Variants in MAPK4 observed in about 807,000 individuals in gnomAD.
The protein encoded by MAPK4 is Erk3-related.
MAPK4 carries 22 observed loss-of-function variants against 47.7 expected under a neutral mutation model. That is an observed-to-expected ratio of 0.46 (90% CI 0.33 to 0.66). The LOEUF is 0.66. MAPK4 is among the 30% of genes least tolerant of loss of function. The probability of loss-of-function intolerance (pLI) is 0.02; values close to 1 mark genes in which losing one functional copy is unlikely to be tolerated. For synonymous variants in MAPK4, 390 were observed against 365.7 expected (o/e 1.07, Z -0.76); for missense variants, 736 against 831.7 (o/e 0.88, Z 1.42).
intron 1 of MAPK4, among the ~76,000 whole-genome samples, chr18:50,571,114 G>A (rs2149358421): frequency 6.6e-6 from 1 of 152,216 alleles, no homozygotes; most frequent in South Asian, 2.1e-4. Context: ...TCTAGAAAGG[G>A]CCCTGTCTTA....
At chr18:50,626,825 T>C (rs564586718) in intron 1 of MAPK4, among the ~76,000 whole-genome samples, 1 of 152,326 alleles carries the variant, frequency 6.6e-6, no homozygotes, top group East Asian at 1.9e-4. Context: ...CCCAACCCTG[T>C]GCCCTAGTGA....
chr18:50,591,088 A>T (rs1598803571), intron 1 of MAPK4, among the ~76,000 whole-genome samples: 1 of 152,210 alleles, frequency 6.6e-6, no homozygotes, highest in African/African-American at 2.4e-5. Flanking sequence ...AATTGGCCTG[A>T]CTTCTGCAGG....
chr18:50,626,864 A>G (rs745965924), intron 1 of MAPK4, among the ~76,000 whole-genome samples: 2 of 152,104 alleles, frequency 1.3e-5, no homozygotes, highest in African/African-American at 4.8e-5. Context: ...GGTGTCATTT[A>G]TTATGCAGGT....
chr18:50,729,317 A>G lies in MAPK4; in HGVS notation c.1227A>G (p.Leu409=). 1.2e-6 allele frequency: 2 copies of G among 1,602,126 alleles called. No homozygotes were observed. Among genetic ancestry groups the G allele is most frequent in the Non-Finnish European group, 1.7e-6 (2 of 1,174,046 alleles). Residue 409 remains leucine, a synonymous_variant, in exon 6 of 6, where the codon CTA becomes CTG. Transcript: ENST00000400384. ...CGCACAGCAGCTCCGAGCGCTTCCT[A>G]GAGCAGTCGCACTCGTCCATGGAGC... The part of the protein sequence containing the change: ...KDSHSSSERF[L]EQSHSSMERA...
intron 1 of MAPK4, among the ~76,000 whole-genome samples, chr18:50,632,486 C>G (rs929939843): frequency 6.6e-6 from 1 of 152,132 alleles, no homozygotes; most frequent in Non-Finnish European, 1.5e-5. Context: ...TGTAGTATTT[C>G]CCTCAACCTT....
rs1910956332 is a variant in MAPK4, at chr18:50,721,961, C to A, written c.715C>A (p.Gln239Lys). ...FAGAHELEQM[Q>K]LILETIPVIR... ...AGGGGCCCATGAGCTGGAGCAGATGCAACTCATCCTGGAGACCATCCCTGT... is the reference window on the plus strand; with the variant it reads ...AGGGGCCCATGAGCTGGAGCAGATGAAACTCATCCTGGAGACCATCCCTGT... Residue 239 changes from glutamine to lysine, a missense_variant, in exon 4 of 6, where the codon CAA (glutamine) becomes AAA (lysine). By Grantham distance (53) the Gln-to-Lys change is moderately conservative. This residue lies in a region of MAPK4 where 327 missense variants were observed against 395.4 expected (regional missense o/e 0.83). Coordinates refer to ENST00000400384, the MANE Select transcript of MAPK4 (RefSeq NM_002747.4). The A allele has an allele frequency of 6.2e-7, 1 of 1,613,992 alleles. No homozygotes were observed. The highest frequency in any genetic ancestry group is 8.5e-7 in the Non-Finnish European group (1 of 1,180,032).
chr18:50,630,434 C>A (rs1176617403), intron 1 of MAPK4, among the ~76,000 whole-genome samples: 1 of 152,166 alleles, frequency 6.6e-6, no homozygotes, highest in Non-Finnish European at 1.5e-5. Context: ...AGTGATCCAC[C>A]CACCTTTGCC....
chr18:50,570,161 T>C (rs149760772), intron 1 of MAPK4, among the ~76,000 whole-genome samples: 65 of 152,334 alleles, frequency 4.3e-4, no homozygotes, highest in African/African-American at 1.5e-3. Context: ...CCAGCTGCTC[T>C]TTGCCTGACT....
At chr18:50,689,625 G>A (rs189800072) in intron 2 of MAPK4, among the ~76,000 whole-genome samples, 3 of 152,088 alleles carry the variant, frequency 2.0e-5, no homozygotes, top group Non-Finnish European at 1.5e-5. Flanking sequence ...CCAGCCAGGC[G>A]TGGTAGCTCA....
chr18:50,579,745 G>A (rs2042327682), intron 1 of MAPK4, among the ~76,000 whole-genome samples: 1 of 152,190 alleles, frequency 6.6e-6, no homozygotes, highest in African/African-American at 2.4e-5. Flanking sequence ...GCATTATGGA[G>A]TCAGTAGGGC....
intron 2 of MAPK4, among the ~76,000 whole-genome samples, chr18:50,695,111 C>T (rs1051700611): frequency 9.2e-5 from 14 of 151,878 alleles, no homozygotes; most frequent in African/African-American, 2.9e-4. Flanking sequence ...TTTGGGAGGC[C>T]GAAGTGGGCA....
chr18:50,712,405 C>T (rs533186415), intron 2 of MAPK4, among the ~76,000 whole-genome samples: 3 of 151,964 alleles, frequency 2.0e-5, no homozygotes, highest in East Asian at 1.9e-4. Context: ...TCAGCCTGGG[C>T]GACAGAATGC....
At chr18:50,616,542 G>A (rs2042686292) in intron 1 of MAPK4, among the ~76,000 whole-genome samples, 1 of 152,220 alleles carries the variant, frequency 6.6e-6, no homozygotes, top group South Asian at 2.1e-4. Flanking sequence ...ATCACAAGGT[G>A]AAGTCCCAGA....
intron 1 of MAPK4, among the ~76,000 whole-genome samples, chr18:50,581,745 A>G (rs934325083): frequency 6.6e-6 from 1 of 152,176 alleles, no homozygotes; most frequent in African/African-American, 2.4e-5. Flanking sequence ...TGTGGGTAGA[A>G]TGTGGTGAAG....
chr18:50,563,773 T>C (rs554556996), intron 1 of MAPK4, among the ~76,000 whole-genome samples: 5 of 152,330 alleles, frequency 3.3e-5, no homozygotes, highest in African/African-American at 1.2e-4. Context: ...CAGGGCCTGC[T>C]ATGCTCTCTT....
chr18:50,665,835 C>A (rs1024137988), intron 2 of MAPK4, among the ~76,000 whole-genome samples: 6 of 152,166 alleles, frequency 3.9e-5, no homozygotes, highest in African/African-American at 9.6e-5. Context: ...TCAAAACTGA[C>A]AGCCAACTCT....
intron 1 of MAPK4, among the ~76,000 whole-genome samples, chr18:50,623,554 C>A (rs958606348): frequency 6.6e-6 from 1 of 152,334 alleles, no homozygotes; most frequent in Admixed American, 6.5e-5. Flanking sequence ...GAACCCCCAA[C>A]CCCATCCTTG....
intron 5 of MAPK4, among the ~76,000 whole-genome samples, chr18:50,728,405 G>A (rs575106972): frequency 6.6e-6 from 1 of 152,248 alleles, no homozygotes; most frequent in East Asian, 1.9e-4. Context: ...CTTTCTGTAG[G>A]TCCCACCTGC....
intron 1 of MAPK4, among the ~76,000 whole-genome samples, chr18:50,608,491 T>G (rs555709505): frequency 1.3e-5 from 2 of 152,308 alleles, no homozygotes; most frequent in East Asian, 3.9e-4. Context: ...TCCTTTTTTT[T>G]ACAATGACAA....
Sources: allele counts gnomAD v4.1 joint callset (sites outside exome capture counted in the v4.1 genomes callset), GRCh38; gene constraint gnomAD v4.1.1; regional missense constraint gnomAD v4.1.1; transcripts MANE v1.5; gene names NCBI Gene and HGNC (gene_info 2026-07-23, HGNC 2026-07-21).